ESRRG: variants seen among roughly 807,000 people sequenced by gnomAD.
ESRRG encodes the protein estrogen related receptor gamma.
Under a neutral mutation model 44.0 loss-of-function variants are expected in ESRRG, and 13 were observed. The observed-to-expected ratio is 0.30, with a 90% CI of 0.19 to 0.47. The LOEUF is 0.47. ESRRG is among the 20% of genes least tolerant of loss of function. The pLI, the probability that ESRRG is intolerant of heterozygous loss-of-function variation, is 1.00. For synonymous variants in ESRRG, 215 were observed against 214.6 expected, an observed-to-expected ratio of 1.00 and a Z score of -0.02; for missense variants, 395 against 580.6, an observed-to-expected ratio of 0.68 and a Z score of 3.29.
At chr1:216,978,554 C>T (rs1294329131) in intron 1 of ESRRG, among the ~76,000 whole-genome samples, 1 of 152,170 alleles carries the variant, frequency 6.6e-6, no homozygotes, top group African/African-American at 2.4e-5. Flanking sequence ...GGCCTCAGCA[C>T]TGCAAAGGGA....
chr1:217,008,173 G>A (rs891111691), intron 1 of ESRRG, among the ~76,000 whole-genome samples: 1 of 152,138 alleles, frequency 6.6e-6, no homozygotes, highest in Non-Finnish European at 1.5e-5. Flanking sequence ...ATTCCTTTCA[G>A]GCTGTCTGCC....
chr1:216,781,770 A>G (rs1378446000), intron 2 of ESRRG, among the ~76,000 whole-genome samples: 1 of 152,058 alleles, frequency 6.6e-6, no homozygotes, highest in Admixed American at 6.6e-5. Context: ...GGGGAGTGGC[A>G]AGCCTTACTG....
At chr1:217,115,493 C>T (rs1200396547) in intron 1 of ESRRG, among the ~76,000 whole-genome samples, 1 of 152,118 alleles carries the variant, frequency 6.6e-6, no homozygotes, top group African/African-American at 2.4e-5. Context: ...ACTGCATATC[C>T]TATGCTCATC....
At chr1:217,129,312 G>A (rs2092929692) in intron 1 of ESRRG, among the ~76,000 whole-genome samples, 2 of 152,156 alleles carry the variant, frequency 1.3e-5, no homozygotes, top group African/African-American at 2.4e-5. Context: ...CCACTAGTAT[G>A]GCTATCAGAA....
intron 2 of ESRRG, among the ~76,000 whole-genome samples, chr1:216,887,676 A>G (rs1470045523): frequency 1.8e-4 from 28 of 152,170 alleles, no homozygotes; most frequent in Non-Finnish European, 7.3e-5. Flanking sequence ...TTTCTGCCAC[A>G]TGCTGAAACT....
intron 1 of ESRRG, among the ~76,000 whole-genome samples, chr1:217,099,904 C>T (rs193183891): frequency 4.0e-5 from 6 of 151,512 alleles, no homozygotes; most frequent in East Asian, 1.9e-4. Context: ...TCTCCAAACA[C>T]GGAGAATAAC....
chr1:216,631,198 C>A (rs968039108), intron 3 of ESRRG, among the ~76,000 whole-genome samples: 1 of 152,154 alleles, frequency 6.6e-6, no homozygotes, highest in Non-Finnish European at 1.5e-5. Flanking sequence ...AACTCAGATT[C>A]TGTATGCATC....
chr1:216,813,144 G>T (rs796995967), intron 2 of ESRRG, among the ~76,000 whole-genome samples: 1 of 152,092 alleles, frequency 6.6e-6, no homozygotes, highest in Non-Finnish European at 1.5e-5. Flanking sequence ...TCATGTTCTG[G>T]AAATGCTAGA....
At chr1:217,093,779 G>A (rs2092384893), upstream of ESRRG, among the ~76,000 whole-genome samples, 1 of 148,546 alleles carries the variant, frequency 6.7e-6, no homozygotes, top group Admixed American at 6.7e-5. Context: ...TGAGACCCCT[G>A]TCTCAAAAAA....
intron 3 of ESRRG, among the ~76,000 whole-genome samples, chr1:216,604,553 G>T (rs1251458500): frequency 6.6e-6 from 1 of 152,150 alleles, no homozygotes; most frequent in Admixed American, 6.5e-5. Context: ...ACAAAGAAGA[G>T]CAGGTTTAGA....
intron 5 of ESRRG, among the ~76,000 whole-genome samples, chr1:216,525,964 T>C (rs1317421874): frequency 6.6e-6 from 1 of 152,146 alleles, no homozygotes; most frequent in Non-Finnish European, 1.5e-5. Flanking sequence ...TCTAATAATT[T>C]AAAATTCAAG....
At chr1:216,516,348 A>G (rs948698467) in intron 6 of ESRRG, among the ~76,000 whole-genome samples, 3 of 152,116 alleles carry the variant, frequency 2.0e-5, no homozygotes, top group African/African-American at 7.2e-5. Flanking sequence ...TTCTGGTGTT[A>G]TAAGTATTCC....
intron 2 of ESRRG, chr1:216,805,028 C>G (rs2148368498): frequency 6.6e-6 from 1 of 152,250 alleles, no homozygotes; most frequent in South Asian, 2.1e-4. Flanking sequence ...AAAGACAACA[C>G]CACTCTTGGT....
At chr1:217,002,210 G>A (rs184539899) in intron 1 of ESRRG, among the ~76,000 whole-genome samples, 9 of 150,708 alleles carry the variant, frequency 6.0e-5, no homozygotes, top group East Asian at 3.9e-4. Context: ...GCTGAGCCAC[G>A]AGAATCTCTT....
chr1:216,987,916 G>A (rs2075122323), intron 1 of ESRRG, among the ~76,000 whole-genome samples: 2 of 152,084 alleles, frequency 1.3e-5, no homozygotes, highest in African/African-American at 4.8e-5. Context: ...ACCCTTTGGT[G>A]GCATCACTCT....
intron 1 of ESRRG, among the ~76,000 whole-genome samples, chr1:217,101,063 C>G (rs547830479): frequency 1.3e-5 from 2 of 152,170 alleles, no homozygotes; most frequent in African/African-American, 4.8e-5. Context: ...GAAAGTCAAG[C>G]AAAAAGTGTT....
chr1:216,707,230 A>T, intron 1 of ESRRG: 1 of 1,058,054 alleles, frequency 9.5e-7, no homozygotes, highest in Non-Finnish European at 1.3e-6. Flanking sequence ...TGATCTTTAA[A>T]AGCATTTTTT....
At chr1:216,587,250 T>C (rs977555946) in intron 3 of ESRRG, among the ~76,000 whole-genome samples, 1 of 152,192 alleles carries the variant, frequency 6.6e-6, no homozygotes, top group Non-Finnish European at 1.5e-5. Context: ...CTGAAAAATC[T>C]CTAGTGCATT....
At chr1:216,920,841 C>T (rs1225672909) in intron 2 of ESRRG, among the ~76,000 whole-genome samples, 1 of 152,162 alleles carries the variant, frequency 6.6e-6, no homozygotes, top group Non-Finnish European at 1.5e-5. Flanking sequence ...TTACAGGCAT[C>T]TCATTCGCTA....
Sources: gnomAD v4.1 joint callset for allele counts (sites outside exome capture counted in the v4.1 genomes callset) on GRCh38, gnomAD v4.1.1 for gene constraint, MANE v1.5 for transcripts, NCBI Gene and HGNC (gene_info 2026-07-23, HGNC 2026-07-21) for gene names.